The following PRKG1 variants were observed in gnomAD, a reference collection of about 807,000 sequenced individuals.
PRKG1 encodes cGMP-dependent protein kinase 1.
In PRKG1, 35 loss-of-function variants were observed where a neutral mutation model predicts 88.1. That is an observed-to-expected ratio of 0.40 (90% CI 0.30 to 0.53). The LOEUF (loss-of-function observed/expected upper bound fraction) is 0.53, where lower values mean the gene tolerates loss of function less well. Ranked by LOEUF, PRKG1 falls within the 20% of genes least tolerant of loss-of-function variation. PRKG1 has a pLI of 0.59. For synonymous variants in PRKG1, 303 were observed against 292.5 expected, an observed-to-expected ratio of 1.04 and a Z score of -0.37; for missense variants, 540 against 839.8, an observed-to-expected ratio of 0.64 and a Z score of 4.41.
intron 3 of PRKG1, among the ~76,000 whole-genome samples, chr10:51,679,711 T>G (rs1192299034): frequency 7.3e-6 from 1 of 136,440 alleles, no homozygotes; most frequent in Non-Finnish European, 1.6e-5. Context: ...GAACTTTTTT[T>G]TTTTTTTTTA....
At chr10:52,024,706 C>T (rs1845288527) in intron 5 of PRKG1, among the ~76,000 whole-genome samples, 1 of 152,146 alleles carries the variant, frequency 6.6e-6, no homozygotes, top group Admixed American at 6.5e-5. Context: ...ATATGTACCA[C>T]ATTTTCTTAG....
chr10:51,769,909 A>G (rs1392107705), intron 3 of PRKG1, among the ~76,000 whole-genome samples: 1 of 152,256 alleles, frequency 6.6e-6, no homozygotes, highest in African/African-American at 2.4e-5. Context: ...AAGAAAGTTA[A>G]TGAATTTATG....
intron 5 of PRKG1, among the ~76,000 whole-genome samples, chr10:52,034,464 T>C (rs538558193): frequency 6.7e-4 from 101 of 151,042 alleles, no homozygotes; most frequent in African/African-American, 1.8e-3. Flanking sequence ...GGCCTAGATA[T>C]GGATTTGGAT....
intron 5 of PRKG1, among the ~76,000 whole-genome samples, chr10:51,932,941 G>C (rs1258419327): frequency 1.3e-5 from 2 of 152,034 alleles, no homozygotes; most frequent in Admixed American, 6.6e-5. Flanking sequence ...GTGTTTTCTG[G>C]AACTGTTGAC....
intron 5 of PRKG1, among the ~76,000 whole-genome samples, chr10:52,018,565 C>A (rs773197975): frequency 3.3e-5 from 5 of 152,136 alleles, no homozygotes; most frequent in Admixed American, 3.3e-4. Context: ...AATGAACAAA[C>A]AACAAACCCC....
chr10:51,778,143 C>T (rs1452420852), intron 3 of PRKG1, among the ~76,000 whole-genome samples: 2 of 152,074 alleles, frequency 1.3e-5, no homozygotes, highest in Non-Finnish European at 1.5e-5. Flanking sequence ...CAGTTCCTGT[C>T]GTGGTAGCCT....
intron 3 of PRKG1, among the ~76,000 whole-genome samples, chr10:51,650,954 G>C (rs1420275697): frequency 2.0e-5 from 3 of 152,128 alleles, no homozygotes; most frequent in Non-Finnish European, 4.4e-5. Context: ...GTTCTCAACT[G>C]GGGGCGATTG....
intron 3 of PRKG1, among the ~76,000 whole-genome samples, chr10:51,709,921 A>G (rs1262183855): frequency 7.8e-6 from 1 of 128,758 alleles, no homozygotes; most frequent in African/African-American, 2.8e-5. Context: ...CGTAGCAGCA[A>G]GGGTTTGACA....
intron 3 of PRKG1, among the ~76,000 whole-genome samples, chr10:51,506,030 A>T (rs1841191067): frequency 6.6e-6 from 1 of 151,618 alleles, no homozygotes; most frequent in Non-Finnish European, 1.5e-5. Context: ...AATGTGACAA[A>T]CCTGACAAAA....
intron 5 of PRKG1, among the ~76,000 whole-genome samples, chr10:51,996,141 T>C (rs2133137789): frequency 1.3e-5 from 2 of 151,074 alleles, no homozygotes; most frequent in South Asian, 2.1e-4. Flanking sequence ...TGAAACACCG[T>C]CTCTACTAAA....
intron 3 of PRKG1, among the ~76,000 whole-genome samples, chr10:51,555,046 A>G (rs967916031): frequency 2.6e-5 from 4 of 151,956 alleles, no homozygotes; most frequent in African/African-American, 9.7e-5. Context: ...TGAGAATAGT[A>G]AGGGAGAAAA....
chr10:51,591,416 T>C (rs567679805), intron 3 of PRKG1, among the ~76,000 whole-genome samples: 1 of 152,334 alleles, frequency 6.6e-6, no homozygotes, highest in East Asian at 1.9e-4. Context: ...AAAAATCATT[T>C]TAAATGGCAC....
chr10:51,591,185 A>G (rs2339809), intron 3 of PRKG1, among the ~76,000 whole-genome samples: 141,146 of 152,242 alleles, frequency 0.93, 65,498 homozygotes, highest in Middle Eastern at 0.96. Flanking sequence ...GCACACATAC[A>G]CGCATGCATA....
chr10:51,749,445 A>G (rs1328522248), intron 3 of PRKG1, among the ~76,000 whole-genome samples: 1 of 152,102 alleles, frequency 6.6e-6, no homozygotes, highest in African/African-American at 2.4e-5. Flanking sequence ...TCCCTTGGTG[A>G]CTGGAAAGGA....
chr10:52,131,396 C>T (rs757070477), intron 7 of PRKG1, among the ~76,000 whole-genome samples: 4 of 152,016 alleles, frequency 2.6e-5, no homozygotes, highest in Non-Finnish European at 4.4e-5. Flanking sequence ...GGAAACCCAA[C>T]CTGGTCAATT....
At chr10:51,924,379 T>G (rs565185752) in intron 5 of PRKG1, among the ~76,000 whole-genome samples, 1 of 152,170 alleles carries the variant, frequency 6.6e-6, no homozygotes, top group Non-Finnish European at 1.5e-5. Context: ...CTTGCTTGTA[T>G]GGTTTTTGTA....
At chr10:51,200,395 C>T (rs1837883958) in intron 2 of PRKG1, among the ~76,000 whole-genome samples, 1 of 152,142 alleles carries the variant, frequency 6.6e-6, no homozygotes, top group Non-Finnish European at 1.5e-5. Flanking sequence ...CAAAAGTAGA[C>T]AGGAGGCAGA....
At chr10:51,096,241 T>C (rs867032039) in intron 1 of PRKG1, among the ~76,000 whole-genome samples, 19 of 152,208 alleles carry the variant, frequency 1.2e-4, no homozygotes, top group Middle Eastern at 3.4e-3. Flanking sequence ...CAGGACTCTG[T>C]GTAATGAGCT....
At chr10:51,514,631 T>C (rs1240402406) in intron 3 of PRKG1, among the ~76,000 whole-genome samples, 1 of 152,162 alleles carries the variant, frequency 6.6e-6, no homozygotes, top group African/African-American at 2.4e-5. Flanking sequence ...TGTGGCAAGG[T>C]GGCAAGTGCT....
Sources: allele counts gnomAD v4.1 joint callset (sites outside exome capture counted in the v4.1 genomes callset), GRCh38; gene constraint gnomAD v4.1.1; transcripts MANE v1.5; gene names NCBI Gene and HGNC (gene_info 2026-07-23, HGNC 2026-07-21).